The following LLGL2 variants were observed in gnomAD, a reference collection of about 807,000 sequenced individuals.
LLGL2 encodes the protein LLGL scribble cell polarity complex component 2.
LLGL2 carries 81 observed loss-of-function variants against 123.2 expected under a neutral mutation model. The observed-to-expected ratio is 0.66, with a 90% CI of 0.55 to 0.79. The LOEUF is 0.79. Ranked by LOEUF, LLGL2 falls within the 30% of genes least tolerant of loss-of-function variation. The pLI, the probability that LLGL2 is intolerant of heterozygous loss-of-function variation, is 0.00. For missense variants in LLGL2, 1,273 were observed against 1,414.6 expected (o/e 0.90, Z 1.61); for synonymous variants, 577 against 594.1 (o/e 0.97, Z 0.42).
Position 75,564,409 on chromosome 17 carries a change from A to C in LLGL2, c.938A>C (p.His313Pro). The change falls in exon 10 of 26, where the codon CAC becomes CCC. Residue 313 changes from histidine (H) to proline (P), a missense_variant. Coordinates refer to ENST00000392550, the MANE Select transcript of LLGL2 (RefSeq NM_001031803.2). This position sits in a 1 kb window ranked among gnomAD's most constrained non-coding sequence, Gnocchi z 4.9. ...GMPRASYGDR[H>P]CISVIHDGQQ... ...CCACGGGCCAGCTACGGGGACCGCC[A>C]CTGCATCTCAGTGATCCACGATGGC... 6.2e-7 allele frequency: 1 copy of C among 1,613,378 alleles called. No individual in the cohort carries two copies. The highest frequency in any genetic ancestry group is 8.5e-7 in the Non-Finnish European group (1 of 1,179,970).
Position 75,558,355 on chromosome 17 carries a change from A to G in LLGL2, c.255+119A>G. 1 of 1,190,446 alleles carries G rather than the reference A, an allele frequency of 8.4e-7. No individual in the cohort carries two copies. Among genetic ancestry groups the G allele is most frequent in the Non-Finnish European group, 1.2e-6 (1 of 843,926 alleles). 73.7% of individuals were successfully genotyped at this position (1,190,446 alleles called of 1,614,324 possible). On this transcript the variant is annotated intron_variant, in intron 4 of 25. Coordinates refer to ENST00000392550, the MANE Select transcript of LLGL2 (RefSeq NM_001031803.2). The surrounding 1 kb of genome is among the most constrained non-coding windows in gnomAD (Gnocchi z 4.0). ...TGGCCCTGGGTTTGCTGCTGATGGA[A>G]AGACCTGGGACCCCCTCCCTTTCCA...
In LLGL2 at chr17:75,530,031, G is replaced by A. The variant is rs536724825; in HGVS notation, c.-31+4206G>A. On this transcript the variant is annotated intron_variant, in intron 1 of 25. Transcript: ENST00000392550. ...AGAAGATGAGAAAGGTCACTAGCAC[G>A]TGTGGCCTGCCACACAGCAGGCACC... Among the ~76,000 whole-genome samples the A allele has an allele frequency of 7.2e-5, 11 of 152,292 alleles. No homozygotes were observed. In the South Asian group the frequency reaches 1.2e-3, roughly 17 times the overall value.
intron 2 of LLGL2, among the ~76,000 whole-genome samples, chr17:75,548,872 GAGTGTA>G (rs1421809004): frequency 1.3e-5 from 2 of 152,138 alleles, no homozygotes; most frequent in Non-Finnish European, 2.9e-5. Flanking sequence ...ATCCCTAAGG[GAGTGTA>G]ATTGCTTCAA....
chr17:75,554,314 A>T lies in LLGL2; in HGVS notation c.76-1732A>T, dbSNP rs2054806828. Among the ~76,000 whole-genome samples, 3 of 123,684 alleles carry T rather than the reference A, an allele frequency of 2.4e-5. No homozygotes were observed. The South Asian group carries it at 8.6e-4, about 36-fold the overall frequency. 81.1% of individuals were successfully genotyped at this position (123,684 alleles called of 152,430 possible). On this transcript the variant is annotated intron_variant, in intron 2 of 25. Transcript: ENST00000392550. ...CAAAACTCCGTCTCAAAAAAAAAAA[A>T]AAAAAAGCCATTTTAGGCAGCTTGC...
rs753344667 is a variant in LLGL2, at chr17:75,571,925, C to T, written c.2321C>T (p.Ala774Val). Residue 774 changes from alanine to valine, a missense_variant, in exon 19 of 26, where the codon GCG (alanine) becomes GTG (valine). By Grantham distance (64) the Ala-to-Val change is moderately conservative (BLOSUM62 0). Transcript: ENST00000392550. ...QAKEIQLMHR[A>V]PVVGILVLDG... Reference sequence around the variant, plus strand: ...AAGGAGATCCAGCTGATGCACCGGGCGCCGGTGGTGGGCATCCTGGTGCTC... The same window carrying T: ...AAGGAGATCCAGCTGATGCACCGGGTGCCGGTGGTGGGCATCCTGGTGCTC... 15 of 1,612,326 alleles carry T rather than the reference C, an allele frequency of 9.3e-6. No homozygotes were observed. The highest frequency in any genetic ancestry group is 2.7e-5 in the African/African-American group (2 of 74,908).
Position 75,568,896 on chromosome 17 carries a change from A to G in LLGL2, c.1322+57A>G, listed in dbSNP as rs2055564415. The stretch of plus-strand genomic sequence containing the variant: ...CCAGTAGGATATGTGGGGTGGGAGC[A>G]GAGCCCTGAGGTGGACGAGCCAGCC... On this transcript the variant is annotated intron_variant, in intron 12 of 25. Transcript: ENST00000392550. The G allele has an allele frequency of 1.9e-6, 3 of 1,567,578 alleles. No homozygotes were observed. In the Admixed American group the frequency reaches 5.3e-5, roughly 28 times the overall value.
chr17:75,559,256 G>A lies in LLGL2; in HGVS notation c.376G>A (p.Ala126Thr). Residue 126 changes from alanine to threonine, a missense_variant, in exon 6 of 26, where the codon GCC becomes ACC. Physicochemically the swap from Ala to Thr is moderately conservative, Grantham distance 58 (BLOSUM62 0). Transcript: ENST00000392550. This position sits in a 1 kb window ranked among gnomAD's most constrained non-coding sequence, Gnocchi z 4.6. ...GGGCAGCTGTTCTTGTCACAGGGCT[G>A]CCCCCAGTGCCACACAGATCACCGT... ...SFTLRGPPGA[A>T]PSATQITVVL... The A allele has an allele frequency of 1.2e-6, 2 of 1,600,612 alleles. No individual in the cohort carries two copies. The highest frequency in any genetic ancestry group is 1.3e-5 in the African/African-American group (1 of 74,482).
intron 1 of LLGL2, among the ~76,000 whole-genome samples, chr17:75,540,389 G>C (rs1416028050): frequency 6.6e-6 from 1 of 152,166 alleles, no homozygotes; most frequent in African/African-American, 2.4e-5. Flanking sequence ...ATTGGAGTGA[G>C]GGGATACCAT....
chr17:75,534,415 G>A (rs1433802897), intron 1 of LLGL2, among the ~76,000 whole-genome samples: 1 of 152,248 alleles, frequency 6.6e-6, no homozygotes, highest in African/African-American at 2.4e-5. Context: ...CCTTTGTCCT[G>A]GGAGAGAGGC....
intron 6 of LLGL2, 111 bp from the exon 7 acceptor site, chr17:75,562,905 C>A: frequency 7.6e-7 from 1 of 1,320,376 alleles, no homozygotes; most frequent in Non-Finnish European, 1.0e-6. Flanking sequence ...TATTTCTATG[C>A]TGGCACATGG....
Position 75,575,195 on chromosome 17 carries a change from C to T in LLGL2, c.*317C>T, listed in dbSNP as rs752160702. On this transcript the variant is annotated 3_prime_UTR_variant, in exon 26 of 26. Coordinates refer to ENST00000392550, the MANE Select transcript of LLGL2 (RefSeq NM_001031803.2). The stretch of plus-strand genomic sequence containing the variant: ...TGGGTGAAAAAGTTTTTAATAAACA[C>T]CTATTACCTCTTGACTGGTCCACTA... The T allele has an allele frequency of 1.6e-4, 86 of 528,652 alleles. No homozygotes were observed. Among genetic ancestry groups the T allele is most frequent in the Non-Finnish European group, 2.8e-4 (82 of 295,230 alleles). The allele number at this position is 528,652 out of a possible 1,614,324, so 32.7% of individuals were successfully genotyped here.
chr17:75,574,383 AG>A lies in LLGL2; in HGVS notation c.2954-65del, dbSNP rs1340460430. The A allele has an allele frequency of 3.9e-6, 6 of 1,539,308 alleles. No homozygotes were observed. In the East Asian group the frequency reaches 1.2e-4, roughly 31 times the overall value. On this transcript the variant is annotated intron_variant, in intron 23 of 25. Coordinates refer to ENST00000392550, the MANE Select transcript of LLGL2 (RefSeq NM_001031803.2). ...CAGATCCATGGGCACCCACGGAGAAAGGGGGTGGAAGGGCTGTGGCTAGCCG... is the reference window on the plus strand; with the variant it reads ...CAGATCCATGGGCACCCACGGAGAAAGGGGTGGAAGGGCTGTGGCTAGCCG...
At chr17:75,574,526 GC>G in intron 24 of LLGL2, 31 bp downstream of exon 24, 1 of 1,573,974 alleles carries the variant, frequency 6.4e-7, no homozygotes, top group Non-Finnish European at 8.6e-7. Context: ...GCTGGGGTGG[GC>G]CCGAGGCTCT....
In LLGL2 at chr17:75,558,049, C is replaced by T; in HGVS notation, c.174-106C>T. 9.2e-7 allele frequency: 1 copy of T among 1,082,440 alleles called. No individual in the cohort carries two copies. The highest frequency in any genetic ancestry group is 1.4e-6 in the Non-Finnish European group (1 of 700,672). 67.1% of individuals were successfully genotyped at this position (1,082,440 alleles called of 1,614,324 possible). A position where few individuals can be genotyped will look rare whatever the true frequency, so the allele number is the denominator to read the frequency against. On this transcript the variant is annotated intron_variant, in intron 3 of 25. Coordinates refer to ENST00000392550, the MANE Select transcript of LLGL2 (RefSeq NM_001031803.2). The surrounding 1 kb of genome is among the most constrained non-coding windows in gnomAD (Gnocchi z 4.0). ...TCCTGCTGCCTCGGGGGAGGGCAGC[C>T]CCTCTCTGTGTTTGCATCATTGCAC...
chr17:75,563,050 G>C lies in LLGL2; in HGVS notation c.565G>C (p.Glu189Gln). 1.2e-6 allele frequency: 2 copies of C among 1,612,918 alleles called. No individual in the cohort carries two copies. The highest frequency in any genetic ancestry group is 3.3e-4 in the Middle Eastern group (2 of 6,062). The change falls in exon 7 of 26, where the codon GAG becomes CAG. Residue 189 changes from glutamate (E) to glutamine (Q), a missense_variant. Glu to Gln is a conservative substitution (Grantham distance 29). Coordinates refer to ENST00000392550, the MANE Select transcript of LLGL2 (RefSeq NM_001031803.2). Reference sequence around the variant, plus strand: ...GGAGGCCCGCCACCGGCGTGTGTTCGAGATGGTGGAGGCACTGCAGGAGCA... The same window carrying C: ...GGAGGCCCGCCACCGGCGTGTGTTCCAGATGGTGGAGGCACTGCAGGAGCA... ...PEEARHRRVF[E>Q]MVEALQEHPR...
intron 1 of LLGL2, among the ~76,000 whole-genome samples, chr17:75,537,011 C>T (rs896176613): frequency 9.2e-5 from 14 of 151,990 alleles, no homozygotes; most frequent in African/African-American, 3.1e-4. Flanking sequence ...TTAGTAGAGA[C>T]GGGGTTTTGG....
In LLGL2 at chr17:75,558,829, T is replaced by G. The variant is rs1017382167; in HGVS notation, c.371+202T>G. On this transcript the variant is annotated intron_variant, in intron 5 of 25. Transcript: ENST00000392550. The surrounding 1 kb of genome is among the most constrained non-coding windows in gnomAD (Gnocchi z 4.0). ...CTGCCTCCTCCATCCACACCACGCCTCCTCCATCCGCACCCCACCTCCTCC... is the reference window on the plus strand; with the variant it reads ...CTGCCTCCTCCATCCACACCACGCCGCCTCCATCCGCACCCCACCTCCTCC... The G allele has an allele frequency of 4.8e-6, 2 of 414,024 alleles. No individual in the cohort carries two copies. Among genetic ancestry groups the G allele is most frequent in the Non-Finnish European group, 4.3e-6 (1 of 234,200 alleles). 25.6% of individuals were successfully genotyped at this position (414,024 alleles called of 1,614,324 possible). A position where few individuals can be genotyped will look rare whatever the true frequency, so the allele number is the denominator to read the frequency against.
chr17:75,541,144 C>T (rs925450280), intron 1 of LLGL2, among the ~76,000 whole-genome samples: 7 of 152,198 alleles, frequency 4.6e-5, no homozygotes, highest in Admixed American at 2.0e-4. Flanking sequence ...CCTACTGGCA[C>T]CTCCTCCCAG....
intron 3 of LLGL2, among the ~76,000 whole-genome samples, chr17:75,557,610 G>A (rs1368678963): frequency 6.6e-6 from 1 of 152,200 alleles, no homozygotes; most frequent in African/African-American, 2.4e-5. Flanking sequence ...CCCTCTGCCC[G>A]GTGTGGGGGA....
Sources: gnomAD v4.1 joint callset for allele counts (sites outside exome capture counted in the v4.1 genomes callset) on GRCh38, gnomAD v4.1.1 for gene constraint, Gnocchi (gnomAD v3.1) non-coding constraint, MANE v1.5 for transcripts, NCBI Gene and HGNC (gene_info 2026-07-23, HGNC 2026-07-21) for gene names.